The following SLC9A9 variants were observed in gnomAD, a reference collection of about 807,000 sequenced individuals.
The protein encoded by SLC9A9 is solute carrier family 9 member A9, also known as sodium/hydrogen exchanger 9.
SLC9A9 carries 62 observed loss-of-function variants against 77.8 expected under a neutral mutation model. That is an observed-to-expected ratio of 0.80 (90% CI 0.65 to 0.98). The LOEUF (loss-of-function observed/expected upper bound fraction) is 0.98, where lower values mean the gene tolerates loss of function less well. Among genes scored for constraint, SLC9A9 ranks in the 50% least tolerant of loss-of-function variants. SLC9A9 has a pLI of 0.00. For missense variants in SLC9A9, 775 were observed against 774.9 expected (o/e 1.00, Z 0.00); for synonymous variants, 320 against 283.5 (o/e 1.13, Z -1.29).
chr3:143,804,143 G>C (rs1188595630), intron 2 of SLC9A9, among the ~76,000 whole-genome samples: 1 of 151,998 alleles, frequency 6.6e-6, no homozygotes, highest in East Asian at 1.9e-4. Flanking sequence ...CATCTCCAAA[G>C]CCCAACTACA....
intron 14 of SLC9A9, among the ~76,000 whole-genome samples, chr3:143,311,423 T>G (rs889258414): frequency 2.0e-5 from 3 of 152,216 alleles, no homozygotes; most frequent in African/African-American, 7.2e-5. Flanking sequence ...GAACCCAGCA[T>G]TCTTATTCCA....
intron 4 of SLC9A9, among the ~76,000 whole-genome samples, 155 bp from the exon 5 acceptor site, chr3:143,693,462 C>G (rs1933539601): frequency 6.6e-6 from 1 of 152,150 alleles, no homozygotes; most frequent in African/African-American, 2.4e-5. Context: ...TCTCTGTACA[C>G]TGGAATCTCT....
intron 9 of SLC9A9, among the ~76,000 whole-genome samples, chr3:143,516,042 C>T (rs971736033): frequency 1.3e-5 from 2 of 152,186 alleles, no homozygotes; most frequent in African/African-American, 4.8e-5. Context: ...TAGCTACTGA[C>T]TCAATTTCTT....
chr3:143,822,128 T>C (rs1289895458), intron 2 of SLC9A9, among the ~76,000 whole-genome samples: 1 of 152,234 alleles, frequency 6.6e-6, no homozygotes, highest in African/African-American at 2.4e-5. Context: ...AGAATGACTC[T>C]GAGGGCTCAT....
intron 6 of SLC9A9, among the ~76,000 whole-genome samples, chr3:143,627,958 A>C (rs1245454476): frequency 6.6e-6 from 1 of 152,204 alleles, no homozygotes; most frequent in Non-Finnish European, 1.5e-5. Context: ...CTCCAATTAA[A>C]CTGTGAGCTG....
intron 6 of SLC9A9, among the ~76,000 whole-genome samples, chr3:143,608,823 A>G (rs2037970949): frequency 6.6e-6 from 1 of 152,184 alleles, no homozygotes. Context: ...GGGAAAGAAT[A>G]GGGAGGAACA....
intron 14 of SLC9A9, among the ~76,000 whole-genome samples, chr3:143,330,484 C>T (rs1418366678): frequency 6.6e-6 from 1 of 152,152 alleles, no homozygotes; most frequent in South Asian, 2.1e-4. Context: ...TAAATGTAGA[C>T]AGCTAAGTGG....
At chr3:143,600,628 C>T (rs1435510145) in intron 6 of SLC9A9, among the ~76,000 whole-genome samples, 1 of 152,120 alleles carries the variant, frequency 6.6e-6, no homozygotes, top group Non-Finnish European at 1.5e-5. Flanking sequence ...TGAGATCACC[C>T]TCCCAAAACG....
intron 9 of SLC9A9, among the ~76,000 whole-genome samples, chr3:143,532,729 A>C (rs1395401535): frequency 2.0e-5 from 3 of 152,146 alleles, no homozygotes; most frequent in African/African-American, 7.2e-5. Context: ...TTCCAGCCCT[A>C]TAACTCTATG....
intron 2 of SLC9A9, among the ~76,000 whole-genome samples, chr3:143,829,874 A>G (rs1296028795): frequency 6.6e-6 from 1 of 152,168 alleles, no homozygotes; most frequent in African/African-American, 2.4e-5. Context: ...ATCTCATTTG[A>G]ACATTAAAAC....
chr3:143,713,974 T>G (rs1228404222), intron 4 of SLC9A9, among the ~76,000 whole-genome samples: 1 of 152,336 alleles, frequency 6.6e-6, no homozygotes, highest in Middle Eastern at 3.4e-3. Flanking sequence ...TGGATACTGA[T>G]TTTGTTAACC....
At chr3:143,502,065 C>G (rs1464673023) in intron 9 of SLC9A9, among the ~76,000 whole-genome samples, 1 of 151,114 alleles carries the variant, frequency 6.6e-6, no homozygotes, top group Non-Finnish European at 1.5e-5. Flanking sequence ...ACATTTCAAA[C>G]TAGTCAATTC....
intron 1 of SLC9A9, among the ~76,000 whole-genome samples, chr3:143,843,851 G>A (rs901773247): frequency 2.0e-5 from 3 of 152,062 alleles, no homozygotes; most frequent in Non-Finnish European, 4.4e-5. Flanking sequence ...TACTTTAACC[G>A]CTAATTGTCA....
At chr3:143,633,334 T>C (rs1375387520) in intron 6 of SLC9A9, among the ~76,000 whole-genome samples, 1 of 152,202 alleles carries the variant, frequency 6.6e-6, no homozygotes, top group African/African-American at 2.4e-5. Flanking sequence ...TAAAAGTATA[T>C]AGAGTAAAAA....
In SLC9A9 at chr3:143,714,771, A is replaced by G. The variant is rs940940069; in HGVS notation, c.534-21464T>C. ...TCTGGCTTTTAGTTAGATTTGATCA[A>G]TGGAGGTGAAGGGGCACTGGCAAGA... On this transcript the variant is annotated intron_variant, in intron 4 of 15. Coordinates refer to ENST00000316549, the MANE Select transcript of SLC9A9 (RefSeq NM_173653.4). Among the ~76,000 whole-genome samples the G allele has an allele frequency of 2.6e-5, 4 of 152,268 alleles. No homozygotes were observed. The East Asian group carries it at 7.7e-4, about 29-fold the overall frequency.
intron 5 of SLC9A9, among the ~76,000 whole-genome samples, chr3:143,677,112 A>G (rs1932909872): frequency 6.6e-6 from 1 of 152,136 alleles, no homozygotes; most frequent in Non-Finnish European, 1.5e-5. Context: ...CAAACCAAAT[A>G]TTTTTATCCA....
chr3:143,528,728 G>A (rs530413367), intron 9 of SLC9A9, among the ~76,000 whole-genome samples: 56 of 151,904 alleles, frequency 3.7e-4, no homozygotes, highest in Non-Finnish European at 7.2e-4. Context: ...AGTCCTAGAA[G>A]AAGGCAAAGG....
intron 4 of SLC9A9, among the ~76,000 whole-genome samples, chr3:143,707,914 C>T (rs1344096444): frequency 6.6e-6 from 1 of 152,074 alleles, no homozygotes; most frequent in African/African-American, 2.4e-5. Context: ...ATTCTGCTGC[C>T]CATCTGCCTC....
chr3:143,425,031 T>A (rs1415747204), intron 12 of SLC9A9, among the ~76,000 whole-genome samples: 3 of 152,200 alleles, frequency 2.0e-5, no homozygotes, highest in Non-Finnish European at 4.4e-5. Flanking sequence ...TGATTCTATG[T>A]GATCCATTTT....
Sources: gnomAD v4.1 joint callset for allele counts (sites outside exome capture counted in the v4.1 genomes callset) on GRCh38, gnomAD v4.1.1 for gene constraint, MANE v1.5 for transcripts, NCBI Gene and HGNC (gene_info 2026-07-23, HGNC 2026-07-21) for gene names.